The following E2F3 variants were observed in gnomAD, a reference collection of about 807,000 sequenced individuals.
E2F3 encodes the protein transcription factor E2F3.
Under a neutral mutation model 44.4 loss-of-function variants are expected in E2F3, and 11 were observed. The observed-to-expected ratio is 0.25, with a 90% CI of 0.16 to 0.41. The LOEUF (loss-of-function observed/expected upper bound fraction) is 0.41. Among genes scored for constraint, E2F3 ranks in the 10% least tolerant of loss-of-function variants. E2F3 has a pLI of 1.00. For synonymous variants in E2F3, 249 were observed against 253.0 expected (o/e 0.98, Z 0.15); for missense variants, 487 against 583.6 (o/e 0.83, Z 1.70).
intron 1 of E2F3, among the ~76,000 whole-genome samples, chr6:20,404,330 T>C (rs1353634801): frequency 6.6e-6 from 1 of 152,192 alleles, no homozygotes; most frequent in East Asian, 1.9e-4. Flanking sequence ...GAAAGAAGTG[T>C]GGCCCGGAGG....
At chr6:20,463,485 T>C (rs923982960) in intron 1 of E2F3, among the ~76,000 whole-genome samples, 4 of 152,222 alleles carry the variant, frequency 2.6e-5, no homozygotes, top group Non-Finnish European at 4.4e-5. Flanking sequence ...CCATTTGACA[T>C]CATTTTATTC....
intron 1 of E2F3, among the ~76,000 whole-genome samples, chr6:20,461,656 C>T (rs1761513432): frequency 1.3e-5 from 2 of 151,990 alleles, no homozygotes; most frequent in Admixed American, 6.6e-5. Context: ...TAAAAAGATG[C>T]CGTATACATT....
At chr6:20,443,512 G>A (rs1274674636) in intron 1 of E2F3, among the ~76,000 whole-genome samples, 1 of 152,104 alleles carries the variant, frequency 6.6e-6, no homozygotes, top group Non-Finnish European at 1.5e-5. Flanking sequence ...AGCTGAGGTG[G>A]GCTGATTGGT....
chr6:20,482,183 T>C (rs898359869), intron 3 of E2F3, among the ~76,000 whole-genome samples: 8 of 152,180 alleles, frequency 5.3e-5, no homozygotes, highest in Non-Finnish European at 8.8e-5. Context: ...GTAACCCGTT[T>C]TGGCCTCTGG....
intron 1 of E2F3, among the ~76,000 whole-genome samples, chr6:20,426,365 A>T (rs1473277583): frequency 6.6e-6 from 1 of 152,226 alleles, no homozygotes; most frequent in Non-Finnish European, 1.5e-5. Context: ...CCAATTTTGT[A>T]TTACACAATA....
chr6:20,405,234 T>G (rs1430711265), intron 1 of E2F3, among the ~76,000 whole-genome samples: 1 of 152,220 alleles, frequency 6.6e-6, no homozygotes, highest in Non-Finnish European at 1.5e-5. Context: ...CTTTTGAGTT[T>G]ATGTGCACAC....
intron 1 of E2F3, among the ~76,000 whole-genome samples, chr6:20,450,700 C>T (rs1439903012): frequency 6.6e-6 from 1 of 152,048 alleles, no homozygotes; most frequent in Admixed American, 6.6e-5. Flanking sequence ...AATCTTTGCC[C>T]GTTCCTGTTT....
At chr6:20,415,023 C>T (rs1030556950) in intron 1 of E2F3, among the ~76,000 whole-genome samples, 2 of 152,164 alleles carry the variant, frequency 1.3e-5, no homozygotes, top group Non-Finnish European at 2.9e-5. Context: ...TGCCTCCCCC[C>T]GCCACTCCCC....
chr6:20,477,981 C>T (rs558773487), intron 1 of E2F3, among the ~76,000 whole-genome samples: 2 of 151,624 alleles, frequency 1.3e-5, no homozygotes, highest in South Asian at 4.2e-4. Flanking sequence ...CACTTGAGCC[C>T]AAGAGTTCAA....
chr6:20,484,736 G>A (rs184117275), intron 4 of E2F3, among the ~76,000 whole-genome samples: 4 of 152,282 alleles, frequency 2.6e-5, no homozygotes, highest in Admixed American at 1.3e-4. Context: ...TGCAGATTTC[G>A]TGTGAATGTG....
At chr6:20,432,845 C>T (rs769508994) in intron 1 of E2F3, among the ~76,000 whole-genome samples, 5 of 152,100 alleles carry the variant, frequency 3.3e-5, no homozygotes, top group Admixed American at 6.6e-5. Flanking sequence ...AGGGCTGCAC[C>T]AAGCTGCTTC....
intron 3 of E2F3, among the ~76,000 whole-genome samples, 163 bp from the exon 4 acceptor site, chr6:20,482,599 A>AATAT (rs148425868): frequency 3.2e-3 from 427 of 134,480 alleles, no homozygotes; most frequent in South Asian, 9.9e-3. Flanking sequence ...TGAAAAAAAA[A>AATAT]ATATATATAT....
chr6:20,481,078 C>T, intron 2 of E2F3, 128 bp from the exon 3 acceptor site: 2 of 828,918 alleles, frequency 2.4e-6, no homozygotes, highest in Non-Finnish European at 3.7e-6. Flanking sequence ...ACAGCAACGA[C>T]AGCCTTGCTT....
rs1159531794 is a variant in E2F3, at chr6:20,493,160, C to T, written c.*2730C>T. On this transcript the variant is annotated 3_prime_UTR_variant, in exon 7 of 7. Transcript: ENST00000346618. The stretch of plus-strand genomic sequence containing the variant: ...ACAAAAATAGCAATTAATTTGTAAA[C>T]ACTGCCAGAATACTTTCTAGCTGCT... 1.3e-5 allele frequency: 3 copies of T among 224,614 alleles called. No homozygotes were observed. Among genetic ancestry groups the T allele is most frequent in the Non-Finnish European group, 2.7e-5 (3 of 112,428 alleles). The allele number at this position is 224,614 out of a possible 1,614,324, so 13.9% of individuals were successfully genotyped here. A position where few individuals can be genotyped will look rare whatever the true frequency, so the allele number is the denominator to read the frequency against.
At chr6:20,410,602 T>G in intron 1 of E2F3, among the ~76,000 whole-genome samples, 1 of 152,190 alleles carries the variant, frequency 6.6e-6, no homozygotes, top group Non-Finnish European at 1.5e-5. Flanking sequence ...TGGGCTGTCC[T>G]TTTGTGATCC....
In E2F3 at chr6:20,402,363, TCGCCGCCGC is replaced by T. The variant is rs559169760; in HGVS notation, c.141_149del (p.Ala51_Ala53del). On this transcript the variant is annotated inframe_deletion, in exon 1 of 7. Coordinates refer to ENST00000346618, the MANE Select transcript of E2F3 (RefSeq NM_001949.5). This position sits in a 1 kb window ranked among gnomAD's most constrained non-coding sequence, Gnocchi z 5.6. ...AGGGCACTGCTAGCCAGCCCCGGCT[TCGCCGCCGC>T]CGCCGCCGCTGCCGCCGCCCCGGGC... 2.9e-4 allele frequency: 463 copies of T among 1,605,536 alleles called. 2 individuals carry two copies. The African/African-American group carries it at 4.1e-3, about 14-fold the overall frequency.
intron 1 of E2F3, among the ~76,000 whole-genome samples, chr6:20,468,738 G>A (rs1357932840): frequency 2.0e-5 from 3 of 152,082 alleles, no homozygotes; most frequent in East Asian, 1.9e-4. Flanking sequence ...AAGGGCAGCC[G>A]GCCTTCATTC....
chr6:20,492,855 G>A lies in E2F3; in HGVS notation c.*2425G>A, dbSNP rs1762590786. ...GACTTAGTATCCGGCACACAAAGTG[G>A]GTTAGTACTACAGTATTTGCGTTAC... On this transcript the variant is annotated 3_prime_UTR_variant, in exon 7 of 7. Transcript: ENST00000346618. The A allele has an allele frequency of 4.5e-6, 1 of 222,246 alleles. No individual in the cohort carries two copies. The allele number at this position is 222,246 out of a possible 1,614,324, so 13.8% of individuals were successfully genotyped here. A position where few individuals can be genotyped will look rare whatever the true frequency, so the allele number is the denominator to read the frequency against.
At chr6:20,421,188 A>T (rs1760015265) in intron 1 of E2F3, among the ~76,000 whole-genome samples, 1 of 152,178 alleles carries the variant, frequency 6.6e-6, no homozygotes, top group Non-Finnish European at 1.5e-5. Flanking sequence ...CTAAGTCTTG[A>T]ACCCCTGTCA....
Sources: gnomAD v4.1 joint callset for allele counts (sites outside exome capture counted in the v4.1 genomes callset) on GRCh38, gnomAD v4.1.1 for gene constraint, Gnocchi (gnomAD v3.1) non-coding constraint, MANE v1.5 for transcripts, NCBI Gene and HGNC (gene_info 2026-07-23, HGNC 2026-07-21) for gene names.